Variants in PTPRD observed in about 807,000 individuals in gnomAD.
The protein encoded by PTPRD is receptor-type tyrosine-protein phosphatase delta.
In PTPRD, 34 loss-of-function variants were observed where a neutral mutation model predicts 214.5. The observed-to-expected ratio is 0.16, with a 90% CI of 0.12 to 0.21. PTPRD has a LOEUF of 0.21. Ranked by LOEUF, PTPRD falls within the 10% of genes least tolerant of loss-of-function variation. The pLI is 1.00. For synonymous variants in PTPRD, 1,128 were observed against 845.7 expected, an observed-to-expected ratio of 1.33 and a Z score of -5.79; for missense variants, 2,545 against 2,398.7, an observed-to-expected ratio of 1.06 and a Z score of -1.27.
At position 9,427,887 on chromosome 9, in the gene PTPRD, T is replaced by G. The variant is rs539592918; in HGVS notation, c.-236-30405A>C. Among the ~76,000 whole-genome samples the G allele has an allele frequency of 9.9e-5, 15 of 152,280 alleles. No individual in the cohort carries two copies. In the East Asian group the frequency reaches 2.9e-3, roughly 29 times the overall value. ...TGAGAGATTTTGTCACCACCAGGCC[T>G]GCCTTACAAGAGCTCCTGAAAGAAG... On this transcript the variant is annotated intron_variant, in intron 8 of 45. Coordinates refer to ENST00000381196, the MANE Select transcript of PTPRD (RefSeq NM_002839.4).
intron 37 of PTPRD, among the ~76,000 whole-genome samples, chr9:8,384,240 G>A (rs990354354): frequency 8.5e-5 from 13 of 152,052 alleles, no homozygotes; most frequent in Non-Finnish European, 1.8e-4. Flanking sequence ...TTTCCAAACA[G>A]TTTCCTCCTT....
intron 8 of PTPRD, among the ~76,000 whole-genome samples, chr9:9,512,544 T>G (rs1042871193): frequency 3.9e-5 from 6 of 151,908 alleles, no homozygotes; most frequent in Non-Finnish European, 8.8e-5. Flanking sequence ...CAATTTCGCT[T>G]TCCAATCAAA....
At chr9:10,167,248 A>T (rs1324143188) in intron 3 of PTPRD, among the ~76,000 whole-genome samples, 1 of 152,054 alleles carries the variant, frequency 6.6e-6, no homozygotes, top group Non-Finnish European at 1.5e-5. Context: ...TAGTGGAGCT[A>T]ATTCTCACCT....
At chr9:10,422,788 TAA>T (rs1313313948) in intron 2 of PTPRD, among the ~76,000 whole-genome samples, 2 of 152,120 alleles carry the variant, frequency 1.3e-5, no homozygotes, top group Non-Finnish European at 2.9e-5. Flanking sequence ...TGGCGATCAT[TAA>T]AAAGTCAGGA....
At chr9:8,433,842 G>GT (rs2095218040) in intron 35 of PTPRD, among the ~76,000 whole-genome samples, 1 of 152,134 alleles carries the variant, frequency 6.6e-6, no homozygotes, top group African/African-American at 2.4e-5. Context: ...TAAGTTTATA[G>GT]TGTTTATAAA....
At chr9:9,298,462 T>G (rs778853428) in intron 9 of PTPRD, among the ~76,000 whole-genome samples, 14 of 151,704 alleles carry the variant, frequency 9.2e-5, no homozygotes, top group Non-Finnish European at 1.9e-4. Flanking sequence ...ACTTAAAAAG[T>G]TGTAATAGGG....
intron 3 of PTPRD, among the ~76,000 whole-genome samples, chr9:10,114,878 G>A (rs1332013211): frequency 2.0e-5 from 3 of 151,826 alleles, no homozygotes; most frequent in African/African-American, 7.3e-5. Flanking sequence ...AATATCAATA[G>A]CAATATGGAA....
intron 11 of PTPRD, among the ~76,000 whole-genome samples, chr9:8,807,572 G>T (rs908024217): frequency 2.0e-5 from 3 of 149,814 alleles, no homozygotes; most frequent in Non-Finnish European, 4.4e-5. Context: ...AATTTTATTT[G>T]TGAATGGTTA....
chr9:9,322,558 G>A (rs1015595741), intron 9 of PTPRD, among the ~76,000 whole-genome samples: 8 of 152,018 alleles, frequency 5.3e-5, no homozygotes, highest in African/African-American at 9.7e-5. Context: ...ATTATCTTAC[G>A]CATCCAGCAC....
At chr9:8,519,132 C>T (rs1387893795) in intron 20 of PTPRD, among the ~76,000 whole-genome samples, 1 of 152,074 alleles carries the variant, frequency 6.6e-6, no homozygotes, top group Non-Finnish European at 1.5e-5. Flanking sequence ...CAAATCAATG[C>T]TTTATTCTTA....
Position 9,794,153 on chromosome 9 carries a change from GTACATGTATATATATATA to G in PTPRD, c.-367-27320_-367-27303del, listed in dbSNP as rs1350401942. 5.5e-3 allele frequency among the ~76,000 whole-genome samples: 487 copies of G among 89,130 alleles called. 2 individuals are homozygous for G. Among genetic ancestry groups the G allele is most frequent in the African/African-American group, 0.015 (461 of 30,094 alleles). 58.5% of individuals were successfully genotyped at this position (89,130 alleles called of 152,430 possible). A position where few individuals can be genotyped will look rare whatever the true frequency, so the allele number is the denominator to read the frequency against. On this transcript the variant is annotated intron_variant, in intron 5 of 45. Coordinates refer to ENST00000381196, the MANE Select transcript of PTPRD (RefSeq NM_002839.4). Reference sequence around the variant, plus strand: ...AAAACAATACAATGAATGTATATATGTACATGTATATATATATATACATGTATATATACATATGTGTGT... The same window carrying G: ...AAAACAATACAATGAATGTATATATGTACATGTATATATACATATGTGTGT...
intron 2 of PTPRD, among the ~76,000 whole-genome samples, chr9:10,468,437 G>A (rs191558820): frequency 6.6e-6 from 1 of 152,256 alleles, no homozygotes; most frequent in East Asian, 1.9e-4. Flanking sequence ...ACTCATAAGA[G>A]GGAGGTGAAC....
intron 10 of PTPRD, among the ~76,000 whole-genome samples, chr9:9,054,820 A>T (rs185147987): frequency 6.6e-6 from 1 of 152,284 alleles, no homozygotes; most frequent in African/African-American, 2.4e-5. Flanking sequence ...GTAGGAGAGA[A>T]AACAAATGAT....
chr9:10,434,369 G>C (rs1020862132), intron 2 of PTPRD, among the ~76,000 whole-genome samples: 3 of 151,844 alleles, frequency 2.0e-5, no homozygotes, highest in African/African-American at 4.8e-5. Context: ...CAATGTTTCA[G>C]TTCAATTAAT....
chr9:8,688,186 T>C (rs1346693221), intron 12 of PTPRD, among the ~76,000 whole-genome samples: 6 of 152,212 alleles, frequency 3.9e-5, no homozygotes, highest in African/African-American at 1.4e-4. Context: ...TTTTCCTTCT[T>C]ATCCTTCTCA....
intron 7 of PTPRD, among the ~76,000 whole-genome samples, chr9:9,591,097 C>A (rs567432918): frequency 2.0e-5 from 3 of 152,002 alleles, no homozygotes; most frequent in African/African-American, 7.2e-5. Flanking sequence ...AGACTATGGA[C>A]CTTAAAATAG....
intron 7 of PTPRD, among the ~76,000 whole-genome samples, chr9:9,675,611 T>C (rs2096914178): frequency 6.6e-6 from 1 of 151,828 alleles, no homozygotes. Flanking sequence ...AAAAATTTAA[T>C]CCAATAATTT....
At chr9:9,767,184 A>C (rs1315986667) in intron 5 of PTPRD, among the ~76,000 whole-genome samples, 1 of 152,018 alleles carries the variant, frequency 6.6e-6, no homozygotes, top group Non-Finnish European at 1.5e-5. Flanking sequence ...AAAATCAAAC[A>C]TCGCTTTTCA....
chr9:10,521,091 G>C (rs1279576953), intron 2 of PTPRD, among the ~76,000 whole-genome samples: 1 of 151,758 alleles, frequency 6.6e-6, no homozygotes, highest in East Asian at 1.9e-4. Flanking sequence ...GATAGATCTG[G>C]GAAAAGTGCA....
Sources: allele counts gnomAD v4.1 joint callset (sites outside exome capture counted in the v4.1 genomes callset), GRCh38; gene constraint gnomAD v4.1.1; transcripts MANE v1.5; gene names NCBI Gene and HGNC (gene_info 2026-07-23, HGNC 2026-07-21).